The following PPP2R5C variants were observed in gnomAD, a reference collection of about 807,000 sequenced individuals.
PPP2R5C encodes the protein serine/threonine-protein phosphatase 2A 56 kDa regulatory subunit gamma isoform.
In PPP2R5C, 7 loss-of-function variants were observed where a neutral mutation model predicts 68.9. The ratio of observed to expected loss-of-function variants is 0.10; its 90% CI spans 0.06 to 0.19. The LOEUF (loss-of-function observed/expected upper bound fraction) is 0.19. Among genes scored for constraint, PPP2R5C ranks in the 10% least tolerant of loss-of-function variants. PPP2R5C has a pLI of 1.00. For synonymous variants in PPP2R5C, 210 were observed against 222.2 expected, an observed-to-expected ratio of 0.95 and a Z score of 0.49; for missense variants, 348 against 641.3, an observed-to-expected ratio of 0.54 and a Z score of 4.94.
intron 2 of PPP2R5C, among the ~76,000 whole-genome samples, chr14:101,872,620 G>A (rs1048462619): frequency 6.6e-6 from 1 of 152,070 alleles, no homozygotes; most frequent in Non-Finnish European, 1.5e-5. Context: ...CTGTTGTCTT[G>A]CTTGCATTAT....
At chr14:101,786,135 T>A in exon 3 of PPP2R5C, 1 of 1,589,958 alleles carries the variant, frequency 6.3e-7, no homozygotes, top group Non-Finnish European at 8.6e-7. Context: ...TTCTTCAAGG[T>A]TTAGCGCAAG....
intron 1 of PPP2R5C, 132 bp downstream of exon 1, chr14:101,762,052 A>G: frequency 1.0e-6 from 1 of 953,992 alleles, no homozygotes; most frequent in Non-Finnish European, 1.3e-6. Context: ...CGCGTCCCCG[A>G]GGGCGGCCGA....
At chr14:101,823,855 T>A (rs1156823866) in intron 1 of PPP2R5C, 9 of 1,225,888 alleles carry the variant, frequency 7.3e-6, no homozygotes, top group African/African-American at 1.6e-5. Context: ...TTTACAGTGG[T>A]GTAGAGTGCA....
intron 2 of PPP2R5C, among the ~76,000 whole-genome samples, chr14:101,861,856 G>GA (rs1294894890): frequency 6.6e-6 from 1 of 152,204 alleles, no homozygotes; most frequent in African/African-American, 2.4e-5. Context: ...TCACTTTAAG[G>GA]AAAATAACTG....
chr14:101,782,421 C>T (rs1333669132), intron 2 of PPP2R5C, among the ~76,000 whole-genome samples: 1 of 2,136 alleles, frequency 4.7e-4, no homozygotes. Context: ...TCTCTCCCCC[C>T]CTTTCTCCCC....
intron 2 of PPP2R5C, among the ~76,000 whole-genome samples, chr14:101,866,334 T>C (rs978483199): frequency 6.6e-6 from 1 of 152,232 alleles, no homozygotes; most frequent in Non-Finnish European, 1.5e-5. Context: ...AATAAATTCA[T>C]GAAAATAAAA....
intron 3 of PPP2R5C, among the ~76,000 whole-genome samples, chr14:101,804,257 C>T (rs2038987203): frequency 6.6e-6 from 1 of 152,164 alleles, no homozygotes; most frequent in African/African-American, 2.4e-5. Flanking sequence ...AGGGAACCCT[C>T]GTACACTGTT....
At chr14:101,811,488 G>A (rs1264909779) in intron 1 of PPP2R5C, among the ~76,000 whole-genome samples, 2 of 151,956 alleles carry the variant, frequency 1.3e-5, no homozygotes, top group East Asian at 1.9e-4. Context: ...CTTCAGGCAC[G>A]CACCACCATG....
chr14:101,918,883 T>C (rs2046856776), intron 13 of PPP2R5C, among the ~76,000 whole-genome samples: 1 of 151,270 alleles, frequency 6.6e-6, no homozygotes, highest in South Asian at 2.1e-4. Flanking sequence ...CCTGGGGACA[T>C]TGGCCTTTCT....
chr14:101,916,470 G>A lies in PPP2R5C; in HGVS notation c.1327-1361G>A, dbSNP rs992181298. On this transcript the variant is annotated intron_variant, in intron 12 of 13. Transcript: ENST00000334743. This position sits in a 1 kb window ranked among gnomAD's most constrained non-coding sequence, Gnocchi z 5.5. ...CAGAGGAAGGAGCCCAAGGCACCTGGAGGAGAGGCTGGGGTCACAGAGACC... is the reference window on the plus strand; with the variant it reads ...CAGAGGAAGGAGCCCAAGGCACCTGAAGGAGAGGCTGGGGTCACAGAGACC... 6.6e-6 allele frequency among the ~76,000 whole-genome samples: 1 copy of A among 152,220 alleles called. No homozygotes were observed. The highest frequency in any genetic ancestry group is 2.4e-5 in the African/African-American group (1 of 41,448).
chr14:101,828,747 G>C (rs143304164), intron 1 of PPP2R5C, among the ~76,000 whole-genome samples: 1 of 148,636 alleles, frequency 6.7e-6, no homozygotes, highest in Non-Finnish European at 1.5e-5. Context: ...ACACGATCTC[G>C]GCTCACTGCA....
In PPP2R5C at chr14:101,891,932, G is replaced by C. The variant is rs2044955982; in HGVS notation, c.690-1068G>C. On this transcript the variant is annotated intron_variant, in intron 6 of 13. Transcript: ENST00000334743. This position sits in a 1 kb window ranked among gnomAD's most constrained non-coding sequence, Gnocchi z 4.9. ...GTAGGACCTCTTTTCTTGCACAAGG[G>C]AACAGCTTTCTGTTTTTTTGTTTGT... 6.6e-6 allele frequency among the ~76,000 whole-genome samples: 1 copy of C among 152,132 alleles called. No individual in the cohort carries two copies. Among genetic ancestry groups the C allele is most frequent in the Non-Finnish European group, 1.5e-5 (1 of 68,012 alleles).
At position 101,906,328 on chromosome 14, in the gene PPP2R5C, A is replaced by G; in HGVS notation, c.1024-74A>G. ...CAAGGTAGTTCATTACCCGACTCAC[A>G]GGTTTAACAGCAAGGACAGCCACCT... On this transcript the variant is annotated intron_variant, in intron 9 of 13. Transcript: ENST00000334743. The surrounding 1 kb of genome is among the most constrained non-coding windows in gnomAD (Gnocchi z 4.0). The G allele has an allele frequency of 6.8e-7, 1 of 1,464,598 alleles. No homozygotes were observed. Among genetic ancestry groups the G allele is most frequent in the Non-Finnish European group, 9.1e-7 (1 of 1,099,046 alleles). 90.7% of individuals were successfully genotyped at this position (1,464,598 alleles called of 1,614,324 possible). A position where few individuals can be genotyped will look rare whatever the true frequency, so the allele number is the denominator to read the frequency against.
chr14:101,808,585 G>A (rs1307490553), upstream of PPP2R5C, among the ~76,000 whole-genome samples: 2 of 152,254 alleles, frequency 1.3e-5, no homozygotes, highest in Admixed American at 1.3e-4. Flanking sequence ...CTCATTGAAT[G>A]TATCTGGCGC....
chr14:101,769,730 G>A (rs2139961932), intron 2 of PPP2R5C, among the ~76,000 whole-genome samples: 1 of 152,204 alleles, frequency 6.6e-6, no homozygotes, highest in East Asian at 1.9e-4. Flanking sequence ...AAAAAGTGTA[G>A]TCTCATAAGA....
chr14:101,825,086 G>A lies in PPP2R5C; in HGVS notation c.94+15050G>A, dbSNP rs142136615. The stretch of plus-strand genomic sequence containing the variant: ...AGCAGTGGCTTCTCACGCCATCTTC[G>A]TCACTACACAAGGGGAAGTTGGGCT... On this transcript the variant is annotated intron_variant, in intron 1 of 13. Transcript: ENST00000334743. The surrounding 1 kb of genome is among the most constrained non-coding windows in gnomAD (Gnocchi z 4.0). Among the ~76,000 whole-genome samples the A allele has an allele frequency of 2.0e-5, 3 of 152,280 alleles. No homozygotes were observed. Among genetic ancestry groups the A allele is most frequent in the Non-Finnish European group, 2.9e-5 (2 of 68,022 alleles).
intron 2 of PPP2R5C, among the ~76,000 whole-genome samples, chr14:101,872,580 C>T (rs2043497360): frequency 6.6e-6 from 1 of 152,118 alleles, no homozygotes; most frequent in Non-Finnish European, 1.5e-5. Context: ...TCCGTGTCGA[C>T]CGTTTTATCC....
chr14:101,881,254 G>A (rs1236700106), intron 2 of PPP2R5C, among the ~76,000 whole-genome samples: 1 of 152,014 alleles, frequency 6.6e-6, no homozygotes, highest in Non-Finnish European at 1.5e-5. Flanking sequence ...ACAAAAATTA[G>A]CCAGGCATGG....
intron 1 of PPP2R5C, among the ~76,000 whole-genome samples, chr14:101,841,806 A>G (rs895456646): frequency 6.6e-6 from 1 of 152,218 alleles, no homozygotes. Flanking sequence ...GCAGGGCTCC[A>G]GGGCCAGGTG....
Sources: gnomAD v4.1 joint callset for allele counts (sites outside exome capture counted in the v4.1 genomes callset) on GRCh38, gnomAD v4.1.1 for gene constraint, Gnocchi (gnomAD v3.1) non-coding constraint, MANE v1.5 for transcripts, NCBI Gene and HGNC (gene_info 2026-07-23, HGNC 2026-07-21) for gene names.